CADM2: variants seen among roughly 807,000 people sequenced by gnomAD.
The protein encoded by CADM2 is immunoglobulin superfamily member 4D.
Under a neutral mutation model 49.8 loss-of-function variants are expected in CADM2, and 12 were observed. The observed-to-expected ratio is 0.24, with a 90% CI of 0.15 to 0.39. The LOEUF (loss-of-function observed/expected upper bound fraction) is 0.39, where lower values mean the gene tolerates loss of function less well. Ranked by LOEUF, CADM2 falls within the 10% of genes least tolerant of loss-of-function variation. CADM2 has a pLI of 1.00. For synonymous variants in CADM2, 214 were observed against 175.4 expected, an observed-to-expected ratio of 1.22 and a Z score of -1.74; for missense variants, 378 against 492.3, an observed-to-expected ratio of 0.77 and a Z score of 2.20.
chr3:85,248,550 A>G (rs761053359), intron 1 of CADM2, among the ~76,000 whole-genome samples: 5 of 152,236 alleles, frequency 3.3e-5, no homozygotes, highest in Admixed American at 6.5e-5. Flanking sequence ...TGCTAGGATT[A>G]CAGGCGTGAG....
At chr3:85,528,683 CTATAG>C (rs1401214956) in intron 1 of CADM2, among the ~76,000 whole-genome samples, 3 of 152,124 alleles carry the variant, frequency 2.0e-5, no homozygotes, top group Non-Finnish European at 4.4e-5. Flanking sequence ...AGTAGTACTG[CTATAG>C]TATACAAATA....
chr3:84,982,249 T>A (rs1379842271), intron 1 of CADM2, among the ~76,000 whole-genome samples: 1 of 152,224 alleles, frequency 6.6e-6, no homozygotes, highest in Non-Finnish European at 1.5e-5. Context: ...TAGTCAAGTG[T>A]TTTTTGTAAA....
At chr3:85,282,429 ATTTTTTT>A (rs1200462213) in intron 1 of CADM2, among the ~76,000 whole-genome samples, 7 of 124,064 alleles carry the variant, frequency 5.6e-5, no homozygotes, top group Non-Finnish European at 1.7e-5. Context: ...TCTTGGCCAA[ATTTTTTT>A]TTTTTTTTTT....
chr3:85,865,781 A>T (rs1029543102), intron 3 of CADM2, among the ~76,000 whole-genome samples: 12 of 152,200 alleles, frequency 7.9e-5, no homozygotes, highest in Admixed American at 1.3e-4. Flanking sequence ...ACTTTTACGG[A>T]ACTTAAACTA....
At chr3:85,811,855 ATG>A (rs758732079) in intron 3 of CADM2, among the ~76,000 whole-genome samples, 215 of 128,256 alleles carry the variant, frequency 1.7e-3, no homozygotes, top group East Asian at 0.016. Context: ...AAATGCCTTG[ATG>A]TTTTTTTTTT....
At chr3:85,026,523 T>G (rs919902143) in intron 1 of CADM2, among the ~76,000 whole-genome samples, 1 of 152,204 alleles carries the variant, frequency 6.6e-6, no homozygotes, top group Admixed American at 6.5e-5. Flanking sequence ...TAATCCTCCT[T>G]GTAGTTTTAT....
intron 6 of CADM2, among the ~76,000 whole-genome samples, chr3:85,928,122 G>A (rs1013902044): frequency 6.6e-6 from 1 of 150,696 alleles, no homozygotes; most frequent in Non-Finnish European, 1.5e-5. Context: ...TACTTCCCAA[G>A]TTCATAAAAC....
At chr3:85,991,586 G>A (rs1461136926) in intron 8 of CADM2, among the ~76,000 whole-genome samples, 2 of 152,050 alleles carry the variant, frequency 1.3e-5, no homozygotes, top group Non-Finnish European at 2.9e-5. Flanking sequence ...AAATAATCTG[G>A]TTTGGATGCC....
At chr3:85,343,732 A>G (rs35228298) in intron 1 of CADM2, among the ~76,000 whole-genome samples, 30,336 of 152,156 alleles carry the variant, frequency 0.2, 3,077 homozygotes, top group Middle Eastern at 0.27. Flanking sequence ...GAAGAGGAAG[A>G]TTGCTGAATG....
At chr3:85,453,591 T>G (rs557102991) in intron 1 of CADM2, among the ~76,000 whole-genome samples, 1 of 152,266 alleles carries the variant, frequency 6.6e-6, no homozygotes, top group African/African-American at 2.4e-5. Flanking sequence ...CCCAAATTTT[T>G]TTTGTGTGAC....
intron 1 of CADM2, among the ~76,000 whole-genome samples, chr3:85,420,044 C>T (rs74454613): frequency 0.046 from 6,967 of 152,152 alleles, 545 homozygotes; most frequent in African/African-American, 0.16. Context: ...CAAATTTTGC[C>T]AAAGCTTCAA....
At chr3:85,057,860 T>C (rs2036147868) in intron 1 of CADM2, among the ~76,000 whole-genome samples, 1 of 152,190 alleles carries the variant, frequency 6.6e-6, no homozygotes. Context: ...ATGGAGCATT[T>C]TTGCAGAAGC....
chr3:84,968,231 C>T (rs2031159844), intron 1 of CADM2, among the ~76,000 whole-genome samples: 1 of 151,914 alleles, frequency 6.6e-6, no homozygotes, highest in Admixed American at 6.6e-5. Flanking sequence ...ATCAACTTTT[C>T]TATAGCTTCC....
At chr3:85,955,956 A>AT (rs550239540) in intron 7 of CADM2, among the ~76,000 whole-genome samples, 30 of 151,816 alleles carry the variant, frequency 2.0e-4, no homozygotes, top group African/African-American at 7.0e-4. Flanking sequence ...TTCTGAAAAA[A>AT]TATCTTTAGA....
intron 1 of CADM2, among the ~76,000 whole-genome samples, chr3:85,573,585 CCT>C (rs1295288166): frequency 6.6e-6 from 1 of 152,116 alleles, no homozygotes; most frequent in Non-Finnish European, 1.5e-5. Flanking sequence ...TGAATTAAAA[CCT>C]CTTGGAATTC....
At chr3:85,795,170 C>G (rs2071548941) in intron 2 of CADM2, among the ~76,000 whole-genome samples, 2 of 151,932 alleles carry the variant, frequency 1.3e-5, no homozygotes, top group African/African-American at 4.8e-5. Flanking sequence ...TTATGGTTAC[C>G]TGGTAGCATA....
At chr3:85,140,252 A>G (rs762902918) in intron 1 of CADM2, among the ~76,000 whole-genome samples, 1 of 152,140 alleles carries the variant, frequency 6.6e-6, no homozygotes, top group Admixed American at 6.5e-5. Flanking sequence ...TTATCCAGAA[A>G]ATTTATAGTT....
intron 5 of CADM2, among the ~76,000 whole-genome samples, chr3:85,896,278 C>T (rs1039008829): frequency 2.0e-5 from 3 of 151,982 alleles, no homozygotes; most frequent in African/African-American, 7.3e-5. Context: ...ATAGTAAGAC[C>T]TCGTCTCAAA....
intron 1 of CADM2, among the ~76,000 whole-genome samples, chr3:85,718,498 C>G (rs1014145839): frequency 6.6e-6 from 1 of 151,526 alleles, no homozygotes; most frequent in African/African-American, 2.4e-5. Flanking sequence ...ACTATTGGGA[C>G]AAAAGTCATA....
Sources: gnomAD v4.1 joint callset for allele counts (sites outside exome capture counted in the v4.1 genomes callset) on GRCh38, gnomAD v4.1.1 for gene constraint, MANE v1.5 for transcripts, NCBI Gene and HGNC (gene_info 2026-07-23, HGNC 2026-07-21) for gene names.